The following PLEKHH2 variants were observed in gnomAD, a reference collection of about 807,000 sequenced individuals.
PLEKHH2 encodes pleckstrin homology, MyTH4 and FERM domain containing H2.
A neutral mutation model predicts 187.9 loss-of-function variants in PLEKHH2; 129 were observed. The observed-to-expected ratio is 0.69, with a 90% confidence interval of 0.59 to 0.79. The LOEUF (loss-of-function observed/expected upper bound fraction) is 0.79, where lower values mean the gene tolerates loss of function less well. Among genes scored for constraint, PLEKHH2 ranks in the 30% least tolerant of loss-of-function variants. The pLI, the probability that PLEKHH2 is intolerant of heterozygous loss-of-function variation, is 0.00. For synonymous variants in PLEKHH2, 686 were observed against 605.6 expected, an observed-to-expected ratio of 1.13 and a Z score of -1.95; for missense variants, 2,076 against 1,751.2, an observed-to-expected ratio of 1.19 and a Z score of -3.31.
chr2:43,668,199 A>T (rs757599458), intron 2 of PLEKHH2, among the ~76,000 whole-genome samples: 27 of 152,020 alleles, frequency 1.8e-4, no homozygotes, highest in Non-Finnish European at 3.8e-4. Flanking sequence ...CTCCTGGCTA[A>T]TTTTTGTGTT....
intron 3 of PLEKHH2, among the ~76,000 whole-genome samples, chr2:43,683,469 G>T (rs1347667589): frequency 6.6e-6 from 1 of 151,642 alleles, no homozygotes; most frequent in Non-Finnish European, 1.5e-5. Context: ...TAGTTAGTTT[G>T]TTCAAATTGG....
At chr2:43,703,623 C>A (rs1308140323) in intron 8 of PLEKHH2, among the ~76,000 whole-genome samples, 3 of 152,096 alleles carry the variant, frequency 2.0e-5, no homozygotes, top group African/African-American at 7.2e-5. Context: ...GTTTTTCTCC[C>A]CACCGCCAAC....
intron 2 of PLEKHH2, among the ~76,000 whole-genome samples, chr2:43,650,224 CT>C (rs1301379289): frequency 6.8e-6 from 1 of 147,946 alleles, no homozygotes; most frequent in African/African-American, 2.5e-5. Flanking sequence ...CTTCTGCCCC[CT>C]GGGTTCAAGT....
chr2:43,691,057 A>G (rs1423954022), intron 3 of PLEKHH2, among the ~76,000 whole-genome samples: 1 of 152,226 alleles, frequency 6.6e-6, no homozygotes, highest in Non-Finnish European at 1.5e-5. Flanking sequence ...GGGCCAATCT[A>G]TCTTAGATAT....
intron 19 of PLEKHH2, among the ~76,000 whole-genome samples, chr2:43,733,543 C>T (rs1040653545): frequency 1.3e-5 from 2 of 151,988 alleles, no homozygotes; most frequent in Non-Finnish European, 2.9e-5. Context: ...CTTTGTCTTG[C>T]CTAAGTTTCT....
intron 24 of PLEKHH2, among the ~76,000 whole-genome samples, chr2:43,746,742 A>C (rs1671793090): frequency 6.6e-6 from 1 of 152,022 alleles, no homozygotes; most frequent in South Asian, 2.1e-4. Flanking sequence ...AGGCCGAGGC[A>C]GGTGGATCAC....
intron 28 of PLEKHH2, 26 bp downstream of exon 28, chr2:43,762,416 AT>A (rs1558636877): frequency 6.5e-7 from 1 of 1,530,510 alleles, no homozygotes; most frequent in Non-Finnish European, 9.1e-7. Context: ...CAAGTTTTGC[AT>A]TAAGTCAACT....
At chr2:43,682,979 G>C (rs1414677280) in intron 3 of PLEKHH2, among the ~76,000 whole-genome samples, 2 of 151,440 alleles carry the variant, frequency 1.3e-5, no homozygotes, top group African/African-American at 2.4e-5. Context: ...TTATCCATTT[G>C]ACTTTTTATG....
intron 19 of PLEKHH2, 33 bp from the exon 20 acceptor site, chr2:43,738,308 C>T (rs745954151): frequency 6.5e-7 from 1 of 1,550,220 alleles, no homozygotes; most frequent in Admixed American, 1.8e-5. Flanking sequence ...AATCACTCCT[C>T]ACCTTGAATA....
chr2:43,726,655 A>G (rs540614106), intron 17 of PLEKHH2, among the ~76,000 whole-genome samples: 6 of 152,336 alleles, frequency 3.9e-5, no homozygotes, highest in African/African-American at 1.4e-4. Context: ...TAAGAGTGGT[A>G]TCAAGGCTGA....
rs984958135 is a variant in PLEKHH2, at chr2:43,694,615, G to A, written c.420+101G>A. On this transcript the variant is annotated intron_variant, in intron 5 of 29. Transcript: ENST00000282406. The stretch of plus-strand genomic sequence containing the variant: ...TACTCTGAGTAAAACAAAGAATTTT[G>A]ATCGGTTGGTGATACTGCTATCTTT... 41 of 1,272,186 alleles carry A rather than the reference G, an allele frequency of 3.2e-5. No individual in the cohort carries two copies. In the African/African-American group the frequency reaches 5.6e-4, roughly 17 times the overall value. The allele number at this position is 1,272,186 out of a possible 1,614,324, so 78.8% of individuals were successfully genotyped here. A position where few individuals can be genotyped will look rare whatever the true frequency, so the allele number is the denominator to read the frequency against.
intron 2 of PLEKHH2, chr2:43,675,395 C>A: frequency 6.3e-7 from 1 of 1,594,200 alleles, no homozygotes; most frequent in Non-Finnish European, 8.5e-7. Context: ...TCTGAACCAA[C>A]TGGAGGCAAG....
chr2:43,731,881 T>A (rs1251492867), intron 19 of PLEKHH2, among the ~76,000 whole-genome samples: 5 of 152,202 alleles, frequency 3.3e-5, no homozygotes, highest in Admixed American at 3.3e-4. Flanking sequence ...CTTTAACCTC[T>A]AATTTTCCAC....
intron 3 of PLEKHH2, chr2:43,680,807 A>G (rs1360125903): frequency 7.5e-6 from 3 of 400,820 alleles, no homozygotes; most frequent in East Asian, 5.7e-5. Flanking sequence ...GACACTACCA[A>G]TTATATCTTT....
Position 43,700,157 on chromosome 2 carries a change from C to G in PLEKHH2, c.1199C>G (p.Ser400Ter). 1 of 1,614,142 alleles carries G rather than the reference C, an allele frequency of 6.2e-7. No individual in the cohort carries two copies. The highest frequency in any genetic ancestry group is 8.5e-7 in the Non-Finnish European group (1 of 1,180,008). Residue 400 changes from serine to a stop codon, truncating the protein, a stop_gained, in exon 8 of 30, where the codon TCA (serine) becomes TGA (stop). Coordinates refer to ENST00000282406, the MANE Select transcript of PLEKHH2 (RefSeq NM_172069.4). LOFTEE classifies it high-confidence loss of function. The stretch of plus-strand genomic sequence containing the variant: ...TCCCAGAGACTCGATTATTCATCTT[C>G]ATCGAGTGAAGCCAACACCCCAAGC... ...FQSQRLDYSSSSSEANTPSPI... is the reference protein window; with the variant it reads ...FQSQRLDYSS
intron 21 of PLEKHH2, 36 bp from the exon 22 acceptor site, chr2:43,742,705 T>A (rs1671621712): frequency 2.1e-6 from 3 of 1,421,484 alleles, no homozygotes; most frequent in Non-Finnish European, 2.8e-6. Flanking sequence ...TCAATTAAAT[T>A]TATTCTTAGA....
chr2:43,746,213 C>G (rs911192647), intron 24 of PLEKHH2, among the ~76,000 whole-genome samples: 1 of 152,158 alleles, frequency 6.6e-6, no homozygotes, highest in South Asian at 2.1e-4. Context: ...ATCAGAAACA[C>G]TAGGTCTCAG....
intron 1 of PLEKHH2, among the ~76,000 whole-genome samples, chr2:43,641,215 A>G (rs1665897840): frequency 6.6e-6 from 1 of 152,134 alleles, no homozygotes; most frequent in African/African-American, 2.4e-5. Context: ...TCTGTGGGTT[A>G]TCTTTGCACT....
chr2:43,707,442 A>C lies in PLEKHH2; in HGVS notation c.1863A>C (p.Ser621=), dbSNP rs1258987598. 2 of 1,614,000 alleles carry C rather than the reference A, an allele frequency of 1.2e-6. No individual in the cohort carries two copies. Among genetic ancestry groups the C allele is most frequent in the Non-Finnish European group, 8.5e-7 (1 of 1,180,018 alleles). The part of the protein sequence containing the change: ...QISSSPFLDD[S]SGSEEEDSSR... ...GTAGCAGCCCTTTCCTGGATGACTCATCTGGGTCAGAGGAAGAAGACAGCT... is the reference window on the plus strand; with the variant it reads ...GTAGCAGCCCTTTCCTGGATGACTCCTCTGGGTCAGAGGAAGAAGACAGCT... The change falls in exon 11 of 30, where the codon TCA becomes TCC. Residue 621 remains serine (S), a synonymous_variant. Coordinates refer to ENST00000282406, the MANE Select transcript of PLEKHH2 (RefSeq NM_172069.4).
Sources: gnomAD v4.1 joint callset for allele counts (sites outside exome capture counted in the v4.1 genomes callset) on GRCh38, gnomAD v4.1.1 for gene constraint, MANE v1.5 for transcripts, NCBI Gene and HGNC (gene_info 2026-07-23, HGNC 2026-07-21) for gene names.